BMPR1B: variants seen among roughly 807,000 people sequenced by gnomAD.
BMPR1B encodes bone morphogenetic protein receptor type-1B.
BMPR1B carries 12 observed loss-of-function variants against 59.1 expected under a neutral mutation model. The ratio of observed to expected loss-of-function variants is 0.20; its 90% confidence interval spans 0.13 to 0.33. The LOEUF (loss-of-function observed/expected upper bound fraction) is 0.33. Ranked by LOEUF, BMPR1B falls within the 10% of genes least tolerant of loss-of-function variation. The pLI is 1.00. For missense variants in BMPR1B, 550 were observed against 610.9 expected, an observed-to-expected ratio of 0.90 and a Z score of 1.05; for synonymous variants, 237 against 207.3, an observed-to-expected ratio of 1.14 and a Z score of -1.23.
At chr4:94,873,424 T>G (rs1434914196) in intron 1 of BMPR1B, among the ~76,000 whole-genome samples, 1 of 151,922 alleles carries the variant, frequency 6.6e-6, no homozygotes, top group Non-Finnish European at 1.5e-5. Flanking sequence ...TTTTTTTTTT[T>G]TGAGACAGAG....
chr4:95,004,074 G>C (rs747675313), intron 3 of BMPR1B, among the ~76,000 whole-genome samples: 1 of 152,014 alleles, frequency 6.6e-6, no homozygotes, highest in Non-Finnish European at 1.5e-5. Flanking sequence ...TGATTTAAGA[G>C]GGTAGTTTAA....
intron 3 of BMPR1B, among the ~76,000 whole-genome samples, chr4:95,088,291 C>T (rs1486769551): frequency 1.3e-5 from 2 of 152,128 alleles, no homozygotes; most frequent in Non-Finnish European, 2.9e-5. Context: ...GGTCTCTCTG[C>T]TTATACTTTC....
chr4:94,977,420 T>C (rs1731070293), intron 2 of BMPR1B, among the ~76,000 whole-genome samples: 1 of 152,222 alleles, frequency 6.6e-6, no homozygotes, highest in African/African-American at 2.4e-5. Flanking sequence ...TGAGACTGTT[T>C]TGTTCTCTGG....
At chr4:94,789,163 A>C (rs1009590668) in intron 1 of BMPR1B, among the ~76,000 whole-genome samples, 1 of 152,198 alleles carries the variant, frequency 6.6e-6, no homozygotes, top group African/African-American at 2.4e-5. Context: ...TGCACATCAC[A>C]ATCCGATTGA....
chr4:94,769,292 C>G (rs1424267109), intron 1 of BMPR1B, among the ~76,000 whole-genome samples: 2 of 152,104 alleles, frequency 1.3e-5, no homozygotes, highest in Non-Finnish European at 2.9e-5. Flanking sequence ...TGATCTAGTC[C>G]TGCTCTAAAG....
chr4:94,921,791 G>A lies in BMPR1B; in HGVS notation c.-113+45891G>A, dbSNP rs148021209. The stretch of plus-strand genomic sequence containing the variant: ...CACTGCAGGATTGTAGCATTAAAAT[G>A]AAATGACATATTGATATTTTTGTGA... On this transcript the variant is annotated intron_variant, in intron 2 of 12. Coordinates refer to ENST00000515059, the MANE Select transcript of BMPR1B (RefSeq NM_001203.3). 2.2e-3 allele frequency among the ~76,000 whole-genome samples: 341 copies of A among 152,226 alleles called. 1 individual carries two copies. The highest frequency in any genetic ancestry group is 7.7e-3 in the African/African-American group (322 of 41,554).
chr4:94,767,301 T>G (rs1475480348), intron 1 of BMPR1B, among the ~76,000 whole-genome samples: 1 of 152,234 alleles, frequency 6.6e-6, no homozygotes, highest in African/African-American at 2.4e-5. Flanking sequence ...ATTCTAATGA[T>G]GTACTAATAT....
At chr4:95,005,104 G>A (rs1172990894) in intron 3 of BMPR1B, among the ~76,000 whole-genome samples, 1 of 152,004 alleles carries the variant, frequency 6.6e-6, no homozygotes, top group African/African-American at 2.4e-5. Flanking sequence ...TCTTAACTTG[G>A]GGAGCTGGTT....
intron 1 of BMPR1B, among the ~76,000 whole-genome samples, chr4:94,859,658 A>G (rs1201870490): frequency 6.6e-6 from 1 of 152,120 alleles, no homozygotes; most frequent in Non-Finnish European, 1.5e-5. Flanking sequence ...TTGTGGCCAG[A>G]TCTTAAACCA....
chr4:94,936,010 A>G (rs1172552035), intron 2 of BMPR1B, among the ~76,000 whole-genome samples: 2 of 152,050 alleles, frequency 1.3e-5, no homozygotes, highest in Admixed American at 1.3e-4. Flanking sequence ...TTTGTATTTT[A>G]TAGGTTTCAC....
In BMPR1B at chr4:95,155,898, G is replaced by A. The variant is rs1280087481; in HGVS notation, c.*1225G>A. On this transcript the variant is annotated 3_prime_UTR_variant, in exon 13 of 13. Coordinates refer to ENST00000515059, the MANE Select transcript of BMPR1B (RefSeq NM_001203.3). ...AGAAACATAACCTCTAGATGGGACA[G>A]CAGAGGACAGTTAGTAGAGGCCACA... is the stretch of plus-strand genomic sequence containing the variant. 6.6e-6 allele frequency: 1 copy of A among 152,144 alleles called. No individual in the cohort carries two copies. The highest frequency in any genetic ancestry group is 1.5e-5 in the Non-Finnish European group (1 of 68,014). 9.4% of individuals were successfully genotyped at this position (152,144 alleles called of 1,614,324 possible).
intron 3 of BMPR1B, among the ~76,000 whole-genome samples, chr4:95,060,991 T>G (rs1302012828): frequency 6.6e-6 from 1 of 152,108 alleles, no homozygotes; most frequent in African/African-American, 2.4e-5. Context: ...AATGACTGTG[T>G]GGTTGATGTG....
At chr4:94,925,601 G>A (rs1419079132) in intron 2 of BMPR1B, among the ~76,000 whole-genome samples, 1 of 152,078 alleles carries the variant, frequency 6.6e-6, no homozygotes, top group Admixed American at 6.6e-5. Flanking sequence ...CCCAGTGTTA[G>A]CAAAACAACC....
intron 2 of BMPR1B, among the ~76,000 whole-genome samples, chr4:94,950,219 T>C (rs1328467583): frequency 2.0e-5 from 3 of 152,222 alleles, no homozygotes; most frequent in Non-Finnish European, 4.4e-5. Context: ...GCAAAAATTT[T>C]CTCCCATTCT....
Position 94,916,960 on chromosome 4 carries a change from C to G in BMPR1B, c.-113+41060C>G, listed in dbSNP as rs958128598. On this transcript the variant is annotated intron_variant, in intron 2 of 12. Transcript: ENST00000515059. ...CATTGCTCCCTATATCCTGGCTGAT[C>G]TGGCAGCCATGTCTCAAAGGGGCCT... 3.7e-4 allele frequency among the ~76,000 whole-genome samples: 56 copies of G among 152,206 alleles called. 1 individual carries two copies. Among genetic ancestry groups the G allele is most frequent in the African/African-American group, 1.3e-3 (54 of 41,462 alleles).
At chr4:94,865,621 GATC>G (rs1314898658) in intron 1 of BMPR1B, among the ~76,000 whole-genome samples, 1 of 152,114 alleles carries the variant, frequency 6.6e-6, no homozygotes, top group African/African-American at 2.4e-5. Context: ...TTGAACTCCT[GATC>G]TCGTGATCCA....
intron 2 of BMPR1B, among the ~76,000 whole-genome samples, chr4:94,930,268 T>A (rs1284140742): frequency 1.3e-5 from 2 of 152,122 alleles, no homozygotes; most frequent in Admixed American, 6.6e-5. Context: ...CCCTTGAATA[T>A]ATGGCATTGC....
At chr4:94,939,392 T>A (rs1208362769) in intron 2 of BMPR1B, among the ~76,000 whole-genome samples, 4 of 152,332 alleles carry the variant, frequency 2.6e-5, no homozygotes, top group East Asian at 1.9e-4. Flanking sequence ...AATTTAATAG[T>A]TCTTGACAGT....
chr4:94,912,678 G>C (rs951495284), intron 2 of BMPR1B, among the ~76,000 whole-genome samples: 5 of 152,142 alleles, frequency 3.3e-5, no homozygotes, highest in Non-Finnish European at 7.3e-5. Context: ...AGCTGCCTCT[G>C]TAGCCAAGGC....
Sources: gnomAD v4.1 joint callset for allele counts (sites outside exome capture counted in the v4.1 genomes callset) on GRCh38, gnomAD v4.1.1 for gene constraint, MANE v1.5 for transcripts, NCBI Gene and HGNC (gene_info 2026-07-23, HGNC 2026-07-21) for gene names.